The following MROH7 variants were observed in gnomAD, a reference collection of about 807,000 sequenced individuals.
The protein encoded by MROH7 is maestro heat like repeat family member 7, also known as maestro heat-like repeat-containing protein family member 7.
MROH7 carries 113 observed loss-of-function variants against 129.2 expected under a neutral mutation model. The ratio of observed to expected loss-of-function variants is 0.87; its 90% CI spans 0.75 to 1.02. The LOEUF is 1.02. Ranked by LOEUF, MROH7 falls within the 50% of genes least tolerant of loss-of-function variation. MROH7 has a pLI of 0.00. For synonymous variants in MROH7, 655 were observed against 667.9 expected (o/e 0.98, Z 0.30); for missense variants, 1,601 against 1,671.3 (o/e 0.96, Z 0.73).
intron 10 of MROH7, among the ~76,000 whole-genome samples, chr1:54,676,780 C>T (rs940850481): frequency 6.6e-6 from 1 of 151,614 alleles, no homozygotes; most frequent in Non-Finnish European, 1.5e-5. Flanking sequence ...GCGATCTCAG[C>T]TCACTGCAAA....
At chr1:54,709,853 TA>T in intron 23 of MROH7, 92 bp from the exon 24 acceptor site, 1 of 1,490,212 alleles carries the variant, frequency 6.7e-7, no homozygotes, top group Non-Finnish European at 9.1e-7. Context: ...AGAGGGTGCC[TA>T]AGCCAAGGCA....
intron 3 of MROH7, among the ~76,000 whole-genome samples, chr1:54,661,576 ATTTGTTTG>A (rs71048703): frequency 4.3e-4 from 64 of 149,846 alleles, no homozygotes; most frequent in African/African-American, 1.0e-3. Context: ...TAAAAATATT[ATTTGTTTG>A]TTTGTTTGTT....
At position 54,663,920 on chromosome 1, in the gene MROH7, G is replaced by A. The variant is rs190016110; in HGVS notation, c.1232-1247G>A. On this transcript the variant is annotated intron_variant, in intron 3 of 23. Coordinates refer to ENST00000421030, the MANE Select transcript of MROH7 (RefSeq NM_001039464.4). Reference sequence around the variant, plus strand: ...TGTATCTACTTCTCCATCCTCCAGCGTCCTCTGGTGATCGAGAATCTGAAG... The same window carrying A: ...TGTATCTACTTCTCCATCCTCCAGCATCCTCTGGTGATCGAGAATCTGAAG... The A allele has an allele frequency of 3.3e-5, 11 of 336,408 alleles. No individual in the cohort carries two copies. The East Asian group carries it at 3.5e-4, about 11-fold the overall frequency. 20.8% of individuals were successfully genotyped at this position (336,408 alleles called of 1,614,324 possible).
In MROH7 at chr1:54,695,467, A is replaced by T. The variant is rs751441990; in HGVS notation, c.2941A>T (p.Thr981Ser). 2.5e-6 allele frequency: 4 copies of T among 1,613,738 alleles called. No individual in the cohort carries two copies. In the Admixed American group the frequency reaches 6.7e-5, roughly 27 times the overall value. ...LERGDEKHRI[T>S]ATAFFVELLQ... is the part of the protein sequence containing the mutation. ...GCGAGGCGACGAGAAGCACAGGATC[A>T]CGGCCACCGCCTTCTTCGTGGAGGT... Residue 981 changes from threonine to serine, a missense_variant, in exon 17 of 24, where the codon ACG (threonine) becomes TCG (serine). Coordinates refer to ENST00000421030, the MANE Select transcript of MROH7 (RefSeq NM_001039464.4).
intron 19 of MROH7, 88 bp downstream of exon 19, chr1:54,701,410 A>C (rs1049064237): frequency 1.6e-6 from 2 of 1,220,648 alleles, no homozygotes; most frequent in Non-Finnish European, 2.2e-6. Flanking sequence ...CTGTGCCCCC[A>C]TCAGGACCTG....
At chr1:54,686,746 G>T (rs1645154580) in intron 15 of MROH7, among the ~76,000 whole-genome samples, 1 of 152,126 alleles carries the variant, frequency 6.6e-6, no homozygotes, top group Non-Finnish European at 1.5e-5. Flanking sequence ...TTTGTATTAA[G>T]TTTGTATCCA....
At chr1:54,706,887 C>CA (rs1288941239) in intron 22 of MROH7, among the ~76,000 whole-genome samples, 1 of 152,182 alleles carries the variant, frequency 6.6e-6, no homozygotes, top group Non-Finnish European at 1.5e-5. Context: ...GGCCAAGCAG[C>CA]ATGGTGAAAA....
chr1:54,708,045 C>A (rs1332167813), intron 22 of MROH7, among the ~76,000 whole-genome samples: 1 of 152,092 alleles, frequency 6.6e-6, no homozygotes, highest in Non-Finnish European at 1.5e-5. Flanking sequence ...TCTAACTTAT[C>A]CGGAGCAAGG....
intron 14 of MROH7, among the ~76,000 whole-genome samples, chr1:54,685,955 A>G (rs1054478609): frequency 1.2e-4 from 18 of 152,312 alleles, no homozygotes; most frequent in Non-Finnish European, 2.4e-4. Flanking sequence ...AAATGAGATC[A>G]AGACTCTTTA....
chr1:54,643,733 G>T (rs1287092129), intron 1 of MROH7, among the ~76,000 whole-genome samples: 1 of 152,096 alleles, frequency 6.6e-6, no homozygotes, highest in Non-Finnish European at 1.5e-5. Flanking sequence ...GTCACATAAG[G>T]GTTACAAGAG....
chr1:54,708,949 A>T, intron 22 of MROH7, 65 bp from the exon 23 acceptor site: 1 of 1,122,346 alleles, frequency 8.9e-7, no homozygotes, highest in Middle Eastern at 2.4e-4. Context: ...CTCTGGTCTA[A>T]GGGTGGGTTG....
intron 3 of MROH7, among the ~76,000 whole-genome samples, chr1:54,654,522 A>T (rs1205215730): frequency 6.6e-6 from 1 of 151,960 alleles, no homozygotes; most frequent in African/African-American, 2.4e-5. Context: ...AAATACAAAG[A>T]ATTAGCCAGG....
chr1:54,674,173 C>T (rs1397793465), intron 10 of MROH7, 22 bp downstream of exon 10: 1 of 1,604,780 alleles, frequency 6.2e-7, no homozygotes, highest in African/African-American at 1.3e-5. Context: ...CGGAGTACTT[C>T]TGAAGGAAGT....
intron 17 of MROH7, chr1:54,697,870 T>G: frequency 1.9e-6 from 1 of 519,390 alleles, no homozygotes; most frequent in Non-Finnish European, 3.4e-6. Flanking sequence ...TTGCCAGACC[T>G]TATGGGGCAT....
chr1:54,644,847 G>A (rs1278052602), intron 1 of MROH7, among the ~76,000 whole-genome samples: 1 of 147,314 alleles, frequency 6.8e-6, no homozygotes, highest in East Asian at 2.1e-4. Context: ...CTGTCATCCA[G>A]GCTGGTGCCT....
chr1:54,707,218 G>T lies in MROH7; in HGVS notation c.3667+681G>T, dbSNP rs143863772. Among the ~76,000 whole-genome samples the T allele has an allele frequency of 8.3e-3, 1,264 of 152,260 alleles. 7 individuals carry two copies. Among genetic ancestry groups the T allele is most frequent in the Middle Eastern group, 0.048 (14 of 294 alleles). ...ACAGGACCCTTCTGATGGCAAGTGG[G>T]TGTGTCTCCTCCCAGTTACTCACCC... On this transcript the variant is annotated intron_variant, in intron 22 of 23. Transcript: ENST00000421030.
At chr1:54,680,943 C>T (rs1189843006) in intron 13 of MROH7, among the ~76,000 whole-genome samples, 4 of 152,090 alleles carry the variant, frequency 2.6e-5, no homozygotes, top group South Asian at 4.2e-4. Flanking sequence ...GTACTCCCCA[C>T]CAGGGTTTTT....
In MROH7 at chr1:54,706,452, C is replaced by T; in HGVS notation, c.3582C>T (p.Asp1194=). The change falls in exon 22 of 24, where the codon GAC becomes GAT. Residue 1194 remains aspartate (D), a synonymous_variant. Transcript: ENST00000421030. ...ICKCLVNTHR[D]SAFIFLSQSL... is the part of the protein sequence containing the mutation. ...TGTCCTAGGTGAACACCCACCGAGA[C>T]AGCGCCTTCATATTCCTCAGCCAGA... 6.2e-7 allele frequency: 1 copy of T among 1,613,794 alleles called. No homozygotes were observed. The highest frequency in any genetic ancestry group is 8.5e-7 in the Non-Finnish European group (1 of 1,179,932).
At chr1:54,701,379 C>A in intron 19 of MROH7, 57 bp downstream of exon 19, 1 of 1,431,462 alleles carries the variant, frequency 7.0e-7, no homozygotes, top group Non-Finnish European at 9.3e-7. Flanking sequence ...TCTTTTACTA[C>A]CTTGGGGGCT....
Sources: gnomAD v4.1 joint callset for allele counts (sites outside exome capture counted in the v4.1 genomes callset) on GRCh38, gnomAD v4.1.1 for gene constraint, MANE v1.5 for transcripts, NCBI Gene and HGNC (gene_info 2026-07-23, HGNC 2026-07-21) for gene names.